The following KCNMA1 variants were observed in gnomAD, a reference collection of about 807,000 sequenced individuals.
The protein encoded by KCNMA1 is Calcium-activated potassium channel subunit alpha-1.
Under a neutral mutation model 140.0 loss-of-function variants are expected in KCNMA1, and 29 were observed. The ratio of observed to expected loss-of-function variants is 0.21; its 90% CI spans 0.15 to 0.28. KCNMA1 has a LOEUF of 0.28. KCNMA1 is among the 10% of genes least tolerant of loss of function. KCNMA1 has a pLI of 1.00. For synonymous variants in KCNMA1, 612 were observed against 611.9 expected, an observed-to-expected ratio of 1.00 and a Z score of 0.00; for missense variants, 880 against 1,602.2, an observed-to-expected ratio of 0.55 and a Z score of 7.70.
chr10:76,876,594 A>G (rs1433769230), downstream of KCNMA1: 2 of 152,410 alleles, frequency 1.3e-5, no homozygotes, highest in East Asian at 1.9e-4. Context: ...TCCTTTTGTT[A>G]TTATTATTTT....
chr10:77,549,435 C>T (rs1010049597), intron 1 of KCNMA1, among the ~76,000 whole-genome samples: 1 of 152,162 alleles, frequency 6.6e-6, no homozygotes, highest in Non-Finnish European at 1.5e-5. Context: ...AAAGTAGCAC[C>T]CAGAAGAGAG....
intron 1 of KCNMA1, among the ~76,000 whole-genome samples, chr10:77,596,095 T>C (rs962348918): frequency 6.6e-6 from 1 of 152,022 alleles, no homozygotes; most frequent in Non-Finnish European, 1.5e-5. Context: ...ATAAAACAAA[T>C]GGCCCCCAAA....
At chr10:77,541,899 A>G (rs1188243065) in intron 1 of KCNMA1, among the ~76,000 whole-genome samples, 1 of 152,212 alleles carries the variant, frequency 6.6e-6, no homozygotes, top group Non-Finnish European at 1.5e-5. Flanking sequence ...TTATCCATTC[A>G]CTAACTCAAG....
At chr10:77,574,279 A>T (rs1020788104) in intron 1 of KCNMA1, among the ~76,000 whole-genome samples, 5 of 150,510 alleles carry the variant, frequency 3.3e-5, no homozygotes, top group African/African-American at 1.2e-4. Flanking sequence ...TATATATATA[A>T]AATCTAGCAG....
chr10:77,543,903 G>A (rs1287026640), intron 1 of KCNMA1, among the ~76,000 whole-genome samples: 1 of 152,080 alleles, frequency 6.6e-6, no homozygotes, highest in East Asian at 1.9e-4. Context: ...TTGAAACTAG[G>A]TATTAACAGA....
intron 2 of KCNMA1, among the ~76,000 whole-genome samples, chr10:77,308,517 G>T (rs915469302): frequency 6.6e-6 from 1 of 152,224 alleles, no homozygotes; most frequent in African/African-American, 2.4e-5. Context: ...TGCCTGCTGT[G>T]ATTCCAGGTA....
intron 1 of KCNMA1, among the ~76,000 whole-genome samples, chr10:77,628,381 C>G (rs901616599): frequency 6.6e-6 from 1 of 152,118 alleles, no homozygotes; most frequent in Non-Finnish European, 1.5e-5. Flanking sequence ...TCTCGCCGGG[C>G]GCGGTGGCTC....
At chr10:76,968,974 A>G (rs2075035880) in intron 20 of KCNMA1, among the ~76,000 whole-genome samples, 1 of 152,204 alleles carries the variant, frequency 6.6e-6, no homozygotes, top group South Asian at 2.1e-4. Context: ...CCATGAAAAG[A>G]CAAAACTAAT....
chr10:77,573,614 AATGGAATGGAATG>A (rs1567635198), intron 1 of KCNMA1, among the ~76,000 whole-genome samples: 46 of 99,082 alleles, frequency 4.6e-4, no homozygotes, highest in South Asian at 1.6e-3. Flanking sequence ...AAGAAAATGG[AATGGAATGGAATG>A]GAATGGAATG....
chr10:76,947,713 A>G (rs2064606289), intron 22 of KCNMA1, among the ~76,000 whole-genome samples: 1 of 152,192 alleles, frequency 6.6e-6, no homozygotes, highest in Non-Finnish European at 1.5e-5. Flanking sequence ...TTGGCCCAGC[A>G]TCCAAAAGAT....
chr10:77,507,756 T>C (rs1235462730), intron 1 of KCNMA1, among the ~76,000 whole-genome samples: 1 of 152,224 alleles, frequency 6.6e-6, no homozygotes, highest in East Asian at 1.9e-4. Flanking sequence ...TCACACACTT[T>C]TGGTGAGATT....
intron 18 of KCNMA1, among the ~76,000 whole-genome samples, chr10:77,011,337 A>G (rs1187068758): frequency 1.3e-5 from 2 of 152,210 alleles, no homozygotes; most frequent in East Asian, 3.9e-4. Flanking sequence ...GACTTGAGAC[A>G]GAATATGCCA....
intron 5 of KCNMA1, among the ~76,000 whole-genome samples, chr10:77,154,298 G>A (rs1337921354): frequency 6.6e-6 from 1 of 152,052 alleles, no homozygotes; most frequent in Non-Finnish European, 1.5e-5. Flanking sequence ...ACCCGGTCTG[G>A]AGGATTCCTT....
chr10:77,609,609 A>C (rs1042486041), intron 1 of KCNMA1, among the ~76,000 whole-genome samples: 1 of 152,252 alleles, frequency 6.6e-6, no homozygotes, highest in South Asian at 2.1e-4. Flanking sequence ...CACAAAAAAT[A>C]GGTATATGAG....
chr10:76,898,616 C>T (rs1258504794), intron 25 of KCNMA1, among the ~76,000 whole-genome samples: 1 of 151,294 alleles, frequency 6.6e-6, no homozygotes, highest in African/African-American at 2.4e-5. Flanking sequence ...GTAATAGAGG[C>T]AAAAGTAAAT....
chr10:77,398,638 T>C (rs1403978284), intron 2 of KCNMA1, among the ~76,000 whole-genome samples: 1 of 152,246 alleles, frequency 6.6e-6, no homozygotes, highest in East Asian at 1.9e-4. Flanking sequence ...TTTTCTCCCA[T>C]TCTATAAAGA....
At chr10:77,543,719 T>G (rs2060726034) in intron 1 of KCNMA1, among the ~76,000 whole-genome samples, 1 of 152,180 alleles carries the variant, frequency 6.6e-6, no homozygotes, top group African/African-American at 2.4e-5. Flanking sequence ...GAAATTGAAT[T>G]CCTACGTAGG....
intron 1 of KCNMA1, among the ~76,000 whole-genome samples, chr10:77,436,074 A>G (rs1057119616): frequency 3.3e-5 from 5 of 152,252 alleles, no homozygotes; most frequent in Non-Finnish European, 7.3e-5. Flanking sequence ...CCCTGCACGT[A>G]GAGAACGTCA....
chr10:77,251,121 T>C, intron 3 of KCNMA1, 74 bp downstream of exon 3: 2 of 1,207,368 alleles, frequency 1.7e-6, no homozygotes, highest in Non-Finnish European at 1.2e-6. Context: ...GGTGTCAAGG[T>C]AAATAAATGG....
Sources: allele counts gnomAD v4.1 joint callset (sites outside exome capture counted in the v4.1 genomes callset), GRCh38; gene constraint gnomAD v4.1.1; transcripts MANE v1.5; gene names NCBI Gene and HGNC (gene_info 2026-07-23, HGNC 2026-07-21).